Variants in SLC4A10 observed in about 807,000 individuals in gnomAD.
SLC4A10 encodes the protein sodium-driven chloride bicarbonate exchanger.
A neutral mutation model predicts 137.7 loss-of-function variants in SLC4A10; 42 were observed. The observed-to-expected ratio is 0.30, with a 90% confidence interval of 0.24 to 0.39. The LOEUF is 0.39. SLC4A10 is among the 10% of genes least tolerant of loss of function. SLC4A10 has a pLI of 1.00. For synonymous variants in SLC4A10, 474 were observed against 464.1 expected (o/e 1.02, Z -0.27); for missense variants, 925 against 1,355.0 (o/e 0.68, Z 4.98).
chr2:161,872,287 T>C lies in SLC4A10; in HGVS notation c.767-6T>C, dbSNP rs909553621. Reference sequence around the variant, plus strand: ...GTTTGTATTCTGTCACAACAATCTCTTTTAGCAGGTCAGGTTGTTTCTCCT... The same window carrying C: ...GTTTGTATTCTGTCACAACAATCTCCTTTAGCAGGTCAGGTTGTTTCTCCT... On this transcript the variant is annotated splice_polypyrimidine_tract_variant and splice_region_variant and intron_variant, in intron 6 of 26. Transcript: ENST00000446997. The C allele has an allele frequency of 2.5e-6, 4 of 1,610,164 alleles. No homozygotes were observed. The highest frequency in any genetic ancestry group is 3.4e-6 in the Non-Finnish European group (4 of 1,176,622).
At chr2:161,813,457 CA>C (rs2056746917) in intron 3 of SLC4A10, among the ~76,000 whole-genome samples, 1 of 152,026 alleles carries the variant, frequency 6.6e-6, no homozygotes, top group Non-Finnish European at 1.5e-5. Flanking sequence ...GATGGTTGTC[CA>C]TAAGAATGGG....
At position 161,746,090 on chromosome 2, in the gene SLC4A10, C is replaced by T. The variant is rs1049186992; in HGVS notation, c.49-24883C>T. On this transcript the variant is annotated intron_variant, in intron 1 of 26. Transcript: ENST00000446997. Reference sequence around the variant, plus strand: ...CCCTGTGGTGACTATTTCCTGACTACTGCTGATGTTTGTTCAAGGCTTAAG... The same window carrying T: ...CCCTGTGGTGACTATTTCCTGACTATTGCTGATGTTTGTTCAAGGCTTAAG... Among the ~76,000 whole-genome samples the T allele has an allele frequency of 4.9e-4, 75 of 152,088 alleles. 1 individual carries two copies.
intron 2 of SLC4A10, among the ~76,000 whole-genome samples, chr2:161,782,303 C>G (rs2053123687): frequency 6.6e-6 from 1 of 152,066 alleles, no homozygotes; most frequent in East Asian, 1.9e-4. Flanking sequence ...AAGAAATACA[C>G]AAGCAAATAA....
chr2:161,909,637 A>C (rs1685348496), intron 15 of SLC4A10, among the ~76,000 whole-genome samples: 1 of 152,200 alleles, frequency 6.6e-6, no homozygotes, highest in South Asian at 2.1e-4. Context: ...AGTGCCACTT[A>C]CACTGTGTAC....
chr2:161,802,948 C>G (rs540111926), intron 2 of SLC4A10, among the ~76,000 whole-genome samples: 10 of 152,100 alleles, frequency 6.6e-5, no homozygotes, highest in Admixed American at 2.0e-4. Context: ...GGGGTTGGGA[C>G]TTTAAAATAT....
At chr2:161,720,196 G>T (rs557021141) in intron 1 of SLC4A10, among the ~76,000 whole-genome samples, 55 of 152,314 alleles carry the variant, frequency 3.6e-4, no homozygotes, top group African/African-American at 1.3e-3. Flanking sequence ...TCAAAGATCA[G>T]ATAGTTGTAG....
intron 22 of SLC4A10, 145 bp from the exon 23 acceptor site, chr2:161,964,906 A>G: frequency 1.8e-6 from 1 of 547,084 alleles, no homozygotes; most frequent in Non-Finnish European, 2.9e-6. Context: ...AGAAGACTAG[A>G]CAATGTTTTA....
At chr2:161,657,830 A>C (rs1452313594) in intron 1 of SLC4A10, among the ~76,000 whole-genome samples, 1 of 152,176 alleles carries the variant, frequency 6.6e-6, no homozygotes, top group Non-Finnish European at 1.5e-5. Flanking sequence ...AGGAGTAGAA[A>C]ATATGGATGA....
intron 1 of SLC4A10, among the ~76,000 whole-genome samples, chr2:161,742,136 T>C (rs2047957803): frequency 1.3e-5 from 2 of 152,208 alleles, no homozygotes; most frequent in South Asian, 4.1e-4. Flanking sequence ...TCCATCCATA[T>C]TGCATCAATT....
chr2:161,812,800 A>T (rs1164360063), intron 3 of SLC4A10, among the ~76,000 whole-genome samples: 1 of 152,064 alleles, frequency 6.6e-6, no homozygotes, highest in Non-Finnish European at 1.5e-5. Flanking sequence ...TGTCTTTGCT[A>T]TGGTGAATAG....
rs775861785 is a variant in SLC4A10, at chr2:161,904,875, T to C, written c.1717T>C (p.Leu573=). The C allele has an allele frequency of 3.8e-5, 61 of 1,613,842 alleles. No individual in the cohort carries two copies. Among genetic ancestry groups the C allele is most frequent in the Non-Finnish European group, 5.2e-5 (61 of 1,179,884 alleles). Residue 573 remains leucine (L), a synonymous_variant, in exon 14 of 27, where the codon TTG becomes CTG. Transcript: ENST00000446997. ...LTILGSTGPV[L]VFEKILFKFC... Reference sequence around the variant, plus strand: ...CATATTAGGCAGTACAGGACCAGTTTTGGTGTTTGAAAAGATTTTGTTTAA... The same window carrying C: ...CATATTAGGCAGTACAGGACCAGTTCTGGTGTTTGAAAAGATTTTGTTTAA...
chr2:161,959,402 G>T (rs575238473), intron 21 of SLC4A10, among the ~76,000 whole-genome samples: 3 of 152,316 alleles, frequency 2.0e-5, no homozygotes, highest in African/African-American at 7.2e-5. Context: ...GTCAGGGTGT[G>T]GACAAGGTCC....
chr2:161,870,639 G>A (rs1406397180), intron 6 of SLC4A10, among the ~76,000 whole-genome samples: 1 of 151,712 alleles, frequency 6.6e-6, no homozygotes, highest in Non-Finnish European at 1.5e-5. Flanking sequence ...TTATGTAAAA[G>A]ATTTTTTTAA....
chr2:161,943,584 C>T (rs1693148654), intron 16 of SLC4A10, among the ~76,000 whole-genome samples: 1 of 151,984 alleles, frequency 6.6e-6, no homozygotes, highest in Admixed American at 6.6e-5. Context: ...TCAATACTTG[C>T]ATTCTATGCT....
intron 1 of SLC4A10, among the ~76,000 whole-genome samples, chr2:161,645,983 T>A (rs571023259): frequency 1.3e-5 from 2 of 152,174 alleles, no homozygotes; most frequent in African/African-American, 4.8e-5. Context: ...CTTCTATTAA[T>A]GCACATGACT....
At chr2:161,856,699 T>G (rs771787202) in intron 5 of SLC4A10, among the ~76,000 whole-genome samples, 18 of 152,130 alleles carry the variant, frequency 1.2e-4, no homozygotes, top group Non-Finnish European at 5.9e-5. Flanking sequence ...ATTTTTATAT[T>G]TTAATTAGGA....
At chr2:161,784,683 G>GA (rs1438742355) in intron 2 of SLC4A10, among the ~76,000 whole-genome samples, 8 of 151,636 alleles carry the variant, frequency 5.3e-5, no homozygotes, top group Non-Finnish European at 1.2e-4. Context: ...AGAGACATTA[G>GA]AAAATATCTT....
rs562318805 is a variant in SLC4A10 at position 161,635,078 on chromosome 2, T to C, written c.48+10512T>C. On this transcript the variant is annotated intron_variant, in intron 1 of 26. Coordinates refer to ENST00000446997, the MANE Select transcript of SLC4A10 (RefSeq NM_001178015.2). ...TGATACCAGCCATTTAATTAATCCC[T>C]AAAGAACCAAGGGTCTTGGGAATTT... Among the ~76,000 whole-genome samples, 14 of 152,246 alleles carry C rather than the reference T, an allele frequency of 9.2e-5. 1 individual carries two copies. The South Asian group carries it at 1.9e-3, about 20-fold the overall frequency.
intron 2 of SLC4A10, among the ~76,000 whole-genome samples, chr2:161,777,616 T>C (rs1373147489): frequency 6.6e-6 from 1 of 151,954 alleles, no homozygotes; most frequent in Non-Finnish European, 1.5e-5. Context: ...CTTACATGGA[T>C]GGCAGCAGGC....
Sources: allele counts gnomAD v4.1 joint callset (sites outside exome capture counted in the v4.1 genomes callset), GRCh38; gene constraint gnomAD v4.1.1; transcripts MANE v1.5; gene names NCBI Gene and HGNC (gene_info 2026-07-23, HGNC 2026-07-21).